IDO2: variants seen among roughly 807,000 people sequenced by gnomAD.
The protein encoded by IDO2 is indoleamine 2,3-dioxygenase-like 1 protein.
A neutral mutation model predicts 45.1 loss-of-function variants in IDO2; 46 were observed. The observed-to-expected ratio is 1.02, with a 90% confidence interval of 0.80 to 1.30. IDO2 has a LOEUF of 1.30. IDO2 is among the 50% of genes most tolerant of loss of function. The pLI, the probability that IDO2 is intolerant of heterozygous loss-of-function variation, is 0.00. For missense variants in IDO2, 544 were observed against 491.8 expected (o/e 1.11, Z -1.00); for synonymous variants, 218 against 184.9 (o/e 1.18, Z -1.45).
At chr8:39,980,942 G>A (rs763961519) in intron 4 of IDO2, among the ~76,000 whole-genome samples, 5 of 151,744 alleles carry the variant, frequency 3.3e-5, no homozygotes, top group Non-Finnish European at 4.4e-5. Flanking sequence ...TAGTAGAGAC[G>A]GGTTTCACCA....
chr8:39,943,937 G>T (rs1340131897), intron 1 of IDO2, among the ~76,000 whole-genome samples: 1 of 152,014 alleles, frequency 6.6e-6, no homozygotes. Flanking sequence ...AGGTGCTGTG[G>T]CTCAGTCCTG....
chr8:40,003,748 T>A (rs1204747109), intron 8 of IDO2, among the ~76,000 whole-genome samples: 3 of 152,210 alleles, frequency 2.0e-5, no homozygotes, highest in African/African-American at 7.2e-5. Context: ...TTTCTTATTC[T>A]CCTGGCTAGG....
chr8:39,943,379 C>A (rs1203355691), intron 1 of IDO2, among the ~76,000 whole-genome samples: 1 of 151,784 alleles, frequency 6.6e-6, no homozygotes, highest in Non-Finnish European at 1.5e-5. Context: ...AAAAAACAAA[C>A]AAACACTCTT....
intron 9 of IDO2, among the ~76,000 whole-genome samples, chr8:40,011,178 T>C (rs887987689): frequency 3.9e-5 from 6 of 152,216 alleles, no homozygotes; most frequent in Non-Finnish European, 8.8e-5. Context: ...CCCAAAGTGC[T>C]GGGATTACAG....
In IDO2 at chr8:39,978,118, A is replaced by C. The variant is rs572136167; in HGVS notation, c.196-949A>C. ...GGAGGAAGAAGTGCGCAGTCTGGCC[A>C]TGGGGAGGACAGCGGGTGAAGGACC... On this transcript the variant is annotated intron_variant, in intron 3 of 10. Coordinates refer to ENST00000502986, the Ensembl canonical transcript of IDO2. Among the ~76,000 whole-genome samples, 9 of 152,326 alleles carry C rather than the reference A, an allele frequency of 5.9e-5. No individual in the cohort carries two copies. The South Asian group carries it at 1.9e-3, about 32-fold the overall frequency.
At chr8:40,011,065 C>G (rs1802302767) in intron 9 of IDO2, among the ~76,000 whole-genome samples, 1 of 152,144 alleles carries the variant, frequency 6.6e-6, no homozygotes, top group African/African-American at 2.4e-5. Context: ...TGTGCACCAC[C>G]ATACCAGGCT....
At chr8:39,996,417 C>G (rs1802047753) in intron 8 of IDO2, among the ~76,000 whole-genome samples, 1 of 152,202 alleles carries the variant, frequency 6.6e-6, no homozygotes, top group African/African-American at 2.4e-5. Flanking sequence ...GTCCCCTGTC[C>G]AGTGGACACG....
chr8:39,979,053 A>G lies in IDO2; in HGVS notation c.196-14A>G. 1.3e-6 allele frequency: 2 copies of G among 1,567,324 alleles called. No homozygotes were observed. Among genetic ancestry groups the G allele is most frequent in the East Asian group, 2.4e-5 (1 of 42,250 alleles). On this transcript the variant is annotated splice_polypyrimidine_tract_variant and intron_variant, in intron 3 of 10. Transcript: ENST00000502986. ...CCATCCCTCCTCTGACGGCATTTGG[A>G]CTTTCATGAACAGATGCCCCTGCTG...
At chr8:39,953,648 C>T (rs1355361196) in intron 2 of IDO2, among the ~76,000 whole-genome samples, 1 of 152,080 alleles carries the variant, frequency 6.6e-6, no homozygotes, top group Admixed American at 6.6e-5. Flanking sequence ...CTGCAACCTC[C>T]GCCTCCTGGG....
chr8:39,942,307 G>A (rs1807654747), intron 1 of IDO2, among the ~76,000 whole-genome samples: 2 of 152,188 alleles, frequency 1.3e-5, no homozygotes, highest in African/African-American at 4.8e-5. Flanking sequence ...GCTAATAGAT[G>A]ATAGAACACA....
At chr8:39,944,217 G>A (rs1312527783) in intron 1 of IDO2, among the ~76,000 whole-genome samples, 1 of 152,072 alleles carries the variant, frequency 6.6e-6, no homozygotes, top group Non-Finnish European at 1.5e-5. Context: ...AAAAAGGTAG[G>A]GTCTTCGGAA....
At chr8:39,939,730 A>G (rs1032751136) in intron 1 of IDO2, among the ~76,000 whole-genome samples, 1 of 151,410 alleles carries the variant, frequency 6.6e-6, no homozygotes, top group Non-Finnish European at 1.5e-5. Context: ...GCAATGCCAG[A>G]TGCCTGAAAA....
intron 1 of IDO2, among the ~76,000 whole-genome samples, chr8:39,947,171 CAAAAAAAAAAA>C (rs55785952): frequency 1.2e-5 from 1 of 80,038 alleles, no homozygotes; most frequent in African/African-American, 5.0e-5. Flanking sequence ...GCTAAGGTAT[CAAAAAAAAAAA>C]AAAAAAAAAA....
intron 3 of IDO2, among the ~76,000 whole-genome samples, chr8:39,974,883 G>A (rs1446216329): frequency 1.3e-5 from 2 of 151,438 alleles, no homozygotes; most frequent in African/African-American, 4.9e-5. Flanking sequence ...ATTGCACGAC[G>A]GCACTCCAGC....
At chr8:39,942,164 C>A (rs1482986771) in intron 1 of IDO2, among the ~76,000 whole-genome samples, 1 of 152,194 alleles carries the variant, frequency 6.6e-6, no homozygotes, top group Non-Finnish European at 1.5e-5. Flanking sequence ...AAATAACATT[C>A]CCTGTTATAT....
chr8:39,983,139 G>T (rs1449018499), intron 5 of IDO2, among the ~76,000 whole-genome samples: 2 of 152,180 alleles, frequency 1.3e-5, no homozygotes, highest in Non-Finnish European at 2.9e-5. Flanking sequence ...ATTATATAAT[G>T]ATCAGAAGAG....
At chr8:39,968,421 T>TTA (rs1808128845) in intron 3 of IDO2, among the ~76,000 whole-genome samples, 1 of 152,172 alleles carries the variant, frequency 6.6e-6, no homozygotes, top group African/African-American at 2.4e-5. Context: ...TGAAACTGTT[T>TTA]TATATGGCAC....
At chr8:39,969,037 G>A (rs1031764819) in intron 3 of IDO2, among the ~76,000 whole-genome samples, 6 of 152,054 alleles carry the variant, frequency 3.9e-5, no homozygotes, top group South Asian at 4.1e-4. Context: ...TAAGGCTTAC[G>A]GTAAATGAAA....
intron 6 of IDO2, chr8:39,985,891 T>A (rs1242126512): frequency 1.1e-5 from 2 of 175,840 alleles, no homozygotes; most frequent in Non-Finnish European, 2.4e-5. Flanking sequence ...AGTGCAGTGG[T>A]GTGATCTCGG....
Sources: allele counts gnomAD v4.1 joint callset (sites outside exome capture counted in the v4.1 genomes callset), GRCh38; gene constraint gnomAD v4.1.1; transcripts MANE v1.5; gene names NCBI Gene and HGNC (gene_info 2026-07-23, HGNC 2026-07-21).